The following SNTG1 variants were observed in gnomAD, a reference collection of about 807,000 sequenced individuals.
SNTG1 encodes gamma-1-syntrophin.
SNTG1 carries 39 observed loss-of-function variants against 74.7 expected under a neutral mutation model. That is an observed-to-expected ratio of 0.52 (90% CI 0.40 to 0.68). SNTG1 has a LOEUF of 0.68. Ranked by LOEUF, SNTG1 falls within the 30% of genes least tolerant of loss-of-function variation. The probability of loss-of-function intolerance (pLI) is 0.00; values close to 1 mark genes in which losing one functional copy is unlikely to be tolerated. For missense variants in SNTG1, 685 were observed against 609.5 expected (o/e 1.12, Z -1.30); for synonymous variants, 254 against 217.1 (o/e 1.17, Z -1.49).
intron 11 of SNTG1, among the ~76,000 whole-genome samples, chr8:50,538,313 G>T (rs1413854540): frequency 6.6e-6 from 1 of 152,046 alleles, no homozygotes; most frequent in Non-Finnish European, 1.5e-5. Flanking sequence ...TCGTGGAAAG[G>T]ATAATCCATT....
chr8:50,528,475 A>T (rs999035154), intron 9 of SNTG1, among the ~76,000 whole-genome samples: 2 of 151,906 alleles, frequency 1.3e-5, no homozygotes, highest in East Asian at 3.9e-4. Context: ...TGAATGTAAA[A>T]CCAAGCTTGC....
rs574008839 is a variant in SNTG1, at chr8:50,121,999, C to A, written c.-102-50562C>A. Among the ~76,000 whole-genome samples the A allele has an allele frequency of 6.1e-4, 86 of 141,332 alleles. 11 individuals are homozygous for A. The highest frequency in any genetic ancestry group is 1.9e-3 in the African/African-American group (76 of 39,138). 92.7% of individuals were successfully genotyped at this position (141,332 alleles called of 152,430 possible). A position where few individuals can be genotyped will look rare whatever the true frequency, so the allele number is the denominator to read the frequency against. On this transcript the variant is annotated intron_variant, in intron 1 of 18. Coordinates refer to ENST00000642720, the MANE Select transcript of SNTG1 (RefSeq NM_018967.5). ...TAAAAATTCTGGGACTGGGAAAAAA[C>A]CCAAGTGAAATTGTTTTTAGGCTGG...
chr8:49,944,131 A>T (rs1286986663), intron 1 of SNTG1, among the ~76,000 whole-genome samples: 1 of 152,050 alleles, frequency 6.6e-6, no homozygotes, highest in Non-Finnish European at 1.5e-5. Flanking sequence ...GTACCTCTTG[A>T]TTCTGGTGTG....
At chr8:50,608,355 G>A (rs758061346) in intron 13 of SNTG1, among the ~76,000 whole-genome samples, 1 of 151,048 alleles carries the variant, frequency 6.6e-6, no homozygotes, top group Non-Finnish European at 1.5e-5. Context: ...GTCTTATTTT[G>A]TTTCATTATA....
intron 2 of SNTG1, among the ~76,000 whole-genome samples, chr8:50,246,187 A>C (rs1397770491): frequency 1.3e-5 from 2 of 151,636 alleles, no homozygotes. Context: ...AAACTGGAGT[A>C]GAAATATAAC....
At chr8:50,519,452 A>G (rs1286435600) in intron 9 of SNTG1, among the ~76,000 whole-genome samples, 1 of 152,208 alleles carries the variant, frequency 6.6e-6, no homozygotes, top group Admixed American at 6.5e-5. Flanking sequence ...AGTTCTGGCC[A>G]GGGCAATCAG....
At chr8:50,611,683 G>A (rs1390830550) in intron 13 of SNTG1, among the ~76,000 whole-genome samples, 1 of 152,132 alleles carries the variant, frequency 6.6e-6, no homozygotes, top group Non-Finnish European at 1.5e-5. Flanking sequence ...GCCACTTAAG[G>A]AGGCTGAGGT....
intron 2 of SNTG1, among the ~76,000 whole-genome samples, chr8:50,231,624 A>C (rs1218968642): frequency 1.3e-5 from 2 of 151,412 alleles, no homozygotes; most frequent in East Asian, 3.8e-4. Flanking sequence ...GCCAGAAACA[A>C]GAAAGACTGA....
At chr8:50,051,690 C>T (rs1819588580) in intron 1 of SNTG1, among the ~76,000 whole-genome samples, 1 of 152,074 alleles carries the variant, frequency 6.6e-6, no homozygotes, top group Non-Finnish European at 1.5e-5. Context: ...TAACTCCATC[C>T]TCTGCCGTTC....
At chr8:49,937,976 C>G in intron 1 of SNTG1, among the ~76,000 whole-genome samples, 1 of 151,850 alleles carries the variant, frequency 6.6e-6, no homozygotes, top group South Asian at 2.1e-4. Context: ...TTTCTTTATC[C>G]TATCAGTGAT....
chr8:50,295,960 T>A lies in SNTG1; in HGVS notation c.-27-98252T>A, dbSNP rs374729040. ...CACCTAAAGCATTTAAATCCTATGA[T>A]GGCATTTGAGTGTGTGCATAGCTCA... On this transcript the variant is annotated intron_variant, in intron 2 of 18. Coordinates refer to ENST00000642720, the MANE Select transcript of SNTG1 (RefSeq NM_018967.5). Among the ~76,000 whole-genome samples, 6 of 152,186 alleles carry A rather than the reference T, an allele frequency of 3.9e-5. No individual in the cohort carries two copies. In the East Asian group the frequency reaches 5.8e-4, roughly 15 times the overall value.
intron 12 of SNTG1, among the ~76,000 whole-genome samples, chr8:50,573,667 T>C (rs1383183149): frequency 1.3e-5 from 2 of 151,806 alleles, no homozygotes; most frequent in Non-Finnish European, 1.5e-5. Context: ...AGTTCTTGAG[T>C]ATGAAGCATA....
At chr8:50,207,113 A>G (rs559947105) in intron 2 of SNTG1, among the ~76,000 whole-genome samples, 1 of 152,092 alleles carries the variant, frequency 6.6e-6, no homozygotes, top group African/African-American at 2.4e-5. Flanking sequence ...CTCTTTTTCT[A>G]TTGATTGGAT....
intron 2 of SNTG1, among the ~76,000 whole-genome samples, chr8:50,256,199 TA>T (rs34183404): frequency 5.3e-5 from 8 of 151,400 alleles, no homozygotes; most frequent in African/African-American, 1.7e-4. Flanking sequence ...ATTGTGAGTA[TA>T]AAAAAAACAG....
intron 2 of SNTG1, among the ~76,000 whole-genome samples, chr8:50,377,538 T>A (rs1010873629): frequency 3.9e-5 from 6 of 152,172 alleles, no homozygotes; most frequent in African/African-American, 1.4e-4. Flanking sequence ...ATTTTCAGAA[T>A]TTTTTCTCCT....
At chr8:50,448,816 C>T (rs28529521) in intron 5 of SNTG1, among the ~76,000 whole-genome samples, 3 of 151,896 alleles carry the variant, frequency 2.0e-5, no homozygotes, top group Non-Finnish European at 2.9e-5. Context: ...AGTTGGATCA[C>T]GAGGTCAGGA....
At chr8:50,171,093 G>C (rs925052590) in intron 1 of SNTG1, among the ~76,000 whole-genome samples, 13 of 152,132 alleles carry the variant, frequency 8.5e-5, no homozygotes, top group African/African-American at 2.9e-4. Flanking sequence ...TCTTAGAACA[G>C]GAGTGAAATC....
intron 2 of SNTG1, among the ~76,000 whole-genome samples, chr8:50,331,786 G>C (rs775509134): frequency 6.6e-6 from 1 of 152,180 alleles, no homozygotes; most frequent in Non-Finnish European, 1.5e-5. Flanking sequence ...CTGTGAGTGA[G>C]AGGGAAGATT....
intron 1 of SNTG1, among the ~76,000 whole-genome samples, chr8:49,946,792 T>C (rs575072712): frequency 9.3e-4 from 141 of 152,318 alleles, no homozygotes; most frequent in African/African-American, 3.3e-3. Context: ...AAGATGAATG[T>C]TGTATCTCCA....
Sources: gnomAD v4.1 joint callset for allele counts (sites outside exome capture counted in the v4.1 genomes callset) on GRCh38, gnomAD v4.1.1 for gene constraint, MANE v1.5 for transcripts, NCBI Gene and HGNC (gene_info 2026-07-23, HGNC 2026-07-21) for gene names.